Variants in ILRUN observed in about 807,000 individuals in gnomAD.
ILRUN encodes protein ILRUN.
In ILRUN, 3 loss-of-function variants were observed where a neutral mutation model predicts 33.8. That is an observed-to-expected ratio of 0.09 (90% CI 0.04 to 0.23). ILRUN has a LOEUF of 0.23. ILRUN is among the 10% of genes least tolerant of loss of function. The probability of loss-of-function intolerance (pLI) is 1.00; values close to 1 mark genes in which losing one functional copy is unlikely to be tolerated. For synonymous variants in ILRUN, 124 were observed against 138.9 expected, an observed-to-expected ratio of 0.89 and a Z score of 0.75; for missense variants, 210 against 375.1, an observed-to-expected ratio of 0.56 and a Z score of 3.64.
intron 3 of ILRUN, among the ~76,000 whole-genome samples, chr6:34,621,611 C>T (rs1041984140): frequency 6.6e-6 from 1 of 152,104 alleles, no homozygotes; most frequent in Admixed American, 6.5e-5. Flanking sequence ...GTAATCCCAG[C>T]ACTTTGGGTG....
intron 1 of ILRUN, among the ~76,000 whole-genome samples, chr6:34,677,783 T>C (rs1466968762): frequency 6.6e-6 from 1 of 151,816 alleles, no homozygotes; most frequent in Non-Finnish European, 1.5e-5. Context: ...ACCCCCTATG[T>C]ACAAAAAATA....
chr6:34,652,267 T>G (rs1195336434), intron 2 of ILRUN, among the ~76,000 whole-genome samples: 3 of 152,158 alleles, frequency 2.0e-5, no homozygotes, highest in Admixed American at 1.3e-4. Flanking sequence ...TTTGAACAAG[T>G]AAGAATTTCA....
At chr6:34,608,318 T>C (rs1019630211) in intron 3 of ILRUN, among the ~76,000 whole-genome samples, 32 of 151,880 alleles carry the variant, frequency 2.1e-4, no homozygotes, top group Admixed American at 6.6e-4. Context: ...TGCTTGAGCC[T>C]GGGAGGTGGA....
intron 1 of ILRUN, among the ~76,000 whole-genome samples, chr6:34,695,743 C>A (rs1763753796): frequency 6.6e-6 from 1 of 151,524 alleles, no homozygotes; most frequent in Non-Finnish European, 1.5e-5. Flanking sequence ...GGTTCCCAGG[C>A]CCTGTCCCAA....
intron 1 of ILRUN, among the ~76,000 whole-genome samples, chr6:34,682,036 TTTTAC>T (rs1288898003): frequency 4.6e-4 from 66 of 144,482 alleles, no homozygotes; most frequent in East Asian, 1.2e-3. Flanking sequence ...ATTTTTATTT[TTTTAC>T]TTTTTTTTTT....
chr6:34,631,107 G>A (rs968999437), intron 3 of ILRUN, among the ~76,000 whole-genome samples: 11 of 151,976 alleles, frequency 7.2e-5, no homozygotes, highest in African/African-American at 2.4e-4. Flanking sequence ...ATTCCAACAC[G>A]CCTGCCAAAA....
At chr6:34,696,102 T>TAA (rs1763764219) in intron 1 of ILRUN, among the ~76,000 whole-genome samples, 1 of 151,968 alleles carries the variant, frequency 6.6e-6, no homozygotes, top group Non-Finnish European at 1.5e-5. Flanking sequence ...GCCAACACCA[T>TAA]AACCCTTTTC....
intron 1 of ILRUN, among the ~76,000 whole-genome samples, chr6:34,668,262 T>C (rs563572622): frequency 7.2e-5 from 11 of 152,350 alleles, no homozygotes; most frequent in African/African-American, 2.6e-4. Context: ...ATTCCCTTCC[T>C]ATGTATCTAC....
chr6:34,602,270 G>T (rs1761525550), intron 4 of ILRUN, among the ~76,000 whole-genome samples: 1 of 152,102 alleles, frequency 6.6e-6, no homozygotes, highest in Non-Finnish European at 1.5e-5. Context: ...ACAGCCCCTC[G>T]ATTCTGCCAG....
chr6:34,646,862 T>G lies in ILRUN; in HGVS notation c.314-64A>C. 1.4e-6 allele frequency: 2 copies of G among 1,469,992 alleles called. No homozygotes were observed. Among genetic ancestry groups the G allele is most frequent in the South Asian group, 2.3e-5 (2 of 87,604 alleles). The allele number at this position is 1,469,992 out of a possible 1,614,324, so 91.1% of individuals were successfully genotyped here. ...TGGTCCTATGCTGGGTGCAGTTTAT[T>G]ATGAAACTGTAGAAGAGGCCTCTTT... On this transcript the variant is annotated intron_variant, in intron 2 of 4. Coordinates refer to ENST00000374023, the MANE Select transcript of ILRUN (RefSeq NM_024294.4). This position sits in a 1 kb window ranked among gnomAD's most constrained non-coding sequence, Gnocchi z 4.9.
At chr6:34,670,157 C>T (rs1300495298) in intron 1 of ILRUN, among the ~76,000 whole-genome samples, 1 of 152,120 alleles carries the variant, frequency 6.6e-6, no homozygotes, top group African/African-American at 2.4e-5. Context: ...AGGCAACCCA[C>T]CCACCTTGGC....
chr6:34,617,412 A>G (rs1372853855), intron 3 of ILRUN, among the ~76,000 whole-genome samples: 1 of 152,172 alleles, frequency 6.6e-6, no homozygotes, highest in East Asian at 1.9e-4. Flanking sequence ...TACCATTGTG[A>G]AAAGAAGGAA....
intron 3 of ILRUN, chr6:34,616,960 AG>A: frequency 1.8e-6 from 1 of 562,976 alleles, no homozygotes; most frequent in Non-Finnish European, 3.4e-6. Flanking sequence ...ATCTGAAGTC[AG>A]TAAATGAACT....
chr6:34,674,110 C>T (rs1227054734), intron 1 of ILRUN, among the ~76,000 whole-genome samples: 1 of 152,178 alleles, frequency 6.6e-6, no homozygotes, highest in African/African-American at 2.4e-5. Context: ...TCACTGCAAC[C>T]TCCGCCTCCG....
At chr6:34,624,886 C>G (rs1762084036) in intron 3 of ILRUN, among the ~76,000 whole-genome samples, 1 of 152,130 alleles carries the variant, frequency 6.6e-6, no homozygotes, top group East Asian at 1.9e-4. Flanking sequence ...CTTTTGCTTC[C>G]GAGAGATCTT....
At chr6:34,681,845 ATTTTTTTTT>A (rs1168522578) in intron 1 of ILRUN, among the ~76,000 whole-genome samples, 33 of 85,396 alleles carry the variant, frequency 3.9e-4, no homozygotes, top group African/African-American at 1.1e-3. Context: ...CCACCACTAC[ATTTTTTTTT>A]TTTTTTTTTT....
At chr6:34,654,270 G>A (rs1762728489) in intron 2 of ILRUN, among the ~76,000 whole-genome samples, 1 of 152,090 alleles carries the variant, frequency 6.6e-6, no homozygotes, top group Non-Finnish European at 1.5e-5. Context: ...GAAATGACTG[G>A]AAGATTAATT....
At chr6:34,677,372 G>A (rs1306210343) in intron 1 of ILRUN, among the ~76,000 whole-genome samples, 1 of 151,686 alleles carries the variant, frequency 6.6e-6, no homozygotes, top group Non-Finnish European at 1.5e-5. Flanking sequence ...TTATAATAGT[G>A]AAAAAAACAA....
chr6:34,609,666 G>A (rs570264645), intron 3 of ILRUN, among the ~76,000 whole-genome samples: 3 of 152,310 alleles, frequency 2.0e-5, no homozygotes, highest in Non-Finnish European at 4.4e-5. Context: ...AACTTAAGAG[G>A]TTTGGGAGCT....
Sources: gnomAD v4.1 joint callset for allele counts (sites outside exome capture counted in the v4.1 genomes callset) on GRCh38, gnomAD v4.1.1 for gene constraint, Gnocchi (gnomAD v3.1) non-coding constraint, MANE v1.5 for transcripts, NCBI Gene and HGNC (gene_info 2026-07-23, HGNC 2026-07-21) for gene names.